Variants in RGS5 observed in about 807,000 individuals in gnomAD.
RGS5 encodes the protein regulator of G protein signaling 5, also known as regulator of G-protein signalling 5.
Under a neutral mutation model 18.9 loss-of-function variants are expected in RGS5, and 20 were observed. The observed-to-expected ratio is 1.06, with a 90% CI of 0.74 to 1.54. The LOEUF is 1.54. Ranked by LOEUF, RGS5 falls within the 40% of genes most tolerant of loss-of-function variation. The pLI, the probability that RGS5 is intolerant of heterozygous loss-of-function variation, is 0.00. For missense variants in RGS5, 201 were observed against 211.8 expected (o/e 0.95, Z 0.32); for synonymous variants, 57 against 76.2 (o/e 0.75, Z 1.31).
intron 1 of RGS5, among the ~76,000 whole-genome samples, chr1:163,182,282 C>T (rs1424721852): frequency 2.0e-5 from 3 of 152,202 alleles, no homozygotes; most frequent in Non-Finnish European, 4.4e-5. Context: ...AGAAGATACA[C>T]TGCTGGCCTC....
At chr1:163,172,647 T>C in intron 1 of RGS5, 1 of 1,544,054 alleles carries the variant, frequency 6.5e-7, no homozygotes. Flanking sequence ...CTTCTTTCTA[T>C]GGCTTCAGTT....
At chr1:163,260,682 A>C (rs898497171) in intron 2 of RGS5, 2 of 149,618 alleles carry the variant, frequency 1.3e-5, no homozygotes, top group Non-Finnish European at 3.0e-5. Context: ...AAAAAAAAAA[A>C]CAATATTAGT....
intron 2 of RGS5, among the ~76,000 whole-genome samples, chr1:163,234,199 T>G (rs530898427): frequency 6.6e-6 from 1 of 152,356 alleles, no homozygotes; most frequent in Admixed American, 6.5e-5. Flanking sequence ...TGTAGAATTT[T>G]TATAGATGTT....
chr1:163,316,944 A>T (rs1480092860), intron 1 of RGS5, among the ~76,000 whole-genome samples: 2 of 152,182 alleles, frequency 1.3e-5, no homozygotes, highest in Non-Finnish European at 2.9e-5. Flanking sequence ...TAGGTGTTGG[A>T]GCATCAAAGG....
intron 1 of RGS5, among the ~76,000 whole-genome samples, chr1:163,196,915 T>C (rs1159001685): frequency 6.6e-6 from 1 of 152,156 alleles, no homozygotes; most frequent in Non-Finnish European, 1.5e-5. Context: ...GAAGTGCTCT[T>C]GTCTCTATTT....
At chr1:163,253,282 G>A (rs765428477) in intron 2 of RGS5, among the ~76,000 whole-genome samples, 2 of 152,016 alleles carry the variant, frequency 1.3e-5, no homozygotes, top group African/African-American at 2.4e-5. Context: ...GAAAATCAGT[G>A]ATCATGATCA....
At chr1:163,320,656 T>C (rs929567209) in intron 1 of RGS5, among the ~76,000 whole-genome samples, 2 of 152,226 alleles carry the variant, frequency 1.3e-5, no homozygotes, top group Non-Finnish European at 2.9e-5. Flanking sequence ...CTGACTCTAA[T>C]ATTTTTTTAA....
At chr1:163,277,713 A>G (rs746538257) in intron 2 of RGS5, among the ~76,000 whole-genome samples, 10 of 152,184 alleles carry the variant, frequency 6.6e-5, no homozygotes, top group Non-Finnish European at 1.2e-4. Context: ...ACATGGTGCC[A>G]TCCCTCTTTG....
At position 163,282,798 on chromosome 1, in the gene RGS5, A is replaced by G. The variant is rs146331535; in HGVS notation, c.-281+23435T>C. On this transcript the variant is annotated intron_variant, in intron 2 of 5. Transcript: ENST00000618415. ...AGATGACTGGGTACATATCCAAAGGAAAGGAAATTAGTATATCAAAGAGAT... is the reference window on the plus strand; with the variant it reads ...AGATGACTGGGTACATATCCAAAGGGAAGGAAATTAGTATATCAAAGAGAT... 3.3e-4 allele frequency among the ~76,000 whole-genome samples: 50 copies of G among 152,268 alleles called. 1 individual carries two copies. The East Asian group carries it at 9.3e-3, about 28-fold the overall frequency.
At chr1:163,297,460 G>A (rs1057440235) in intron 2 of RGS5, among the ~76,000 whole-genome samples, 2 of 151,982 alleles carry the variant, frequency 1.3e-5, no homozygotes, top group Non-Finnish European at 2.9e-5. Flanking sequence ...CTTTCTCTTG[G>A]TCCCACCAGC....
chr1:163,280,597 G>A (rs969816099), intron 2 of RGS5, among the ~76,000 whole-genome samples: 1 of 151,486 alleles, frequency 6.6e-6, no homozygotes, highest in African/African-American at 2.4e-5. Context: ...GTGAAACACT[G>A]AGGAAATAAA....
At chr1:163,271,466 A>T (rs1648715472) in intron 2 of RGS5, among the ~76,000 whole-genome samples, 1 of 152,156 alleles carries the variant, frequency 6.6e-6, no homozygotes, top group South Asian at 2.1e-4. Context: ...GCAAACCAGT[A>T]AGAAGGCCCT....
At chr1:163,208,755 A>G (rs1660026105) in intron 1 of RGS5, among the ~76,000 whole-genome samples, 1 of 152,144 alleles carries the variant, frequency 6.6e-6, no homozygotes, top group Non-Finnish European at 1.5e-5. Context: ...AAAAGCCACA[A>G]CTTAAAATGG....
At chr1:163,262,949 G>A (rs1648483666) in intron 2 of RGS5, among the ~76,000 whole-genome samples, 1 of 152,082 alleles carries the variant, frequency 6.6e-6, no homozygotes, top group Non-Finnish European at 1.5e-5. Context: ...TCTCTACTGG[G>A]CATGGAGGTG....
chr1:163,306,646 T>C (rs1380092284), intron 1 of RGS5, among the ~76,000 whole-genome samples: 2 of 152,190 alleles, frequency 1.3e-5, no homozygotes, highest in Non-Finnish European at 2.9e-5. Context: ...ATAGGGTCTT[T>C]GTAAAGGAAA....
chr1:163,293,996 T>C (rs1412185565), intron 2 of RGS5, among the ~76,000 whole-genome samples: 2 of 152,224 alleles, frequency 1.3e-5, no homozygotes, highest in African/African-American at 4.8e-5. Context: ...GCTCTGCCTC[T>C]GTGGCTCTGC....
At chr1:163,248,805 T>C (rs1441578010) in intron 2 of RGS5, 2 of 152,216 alleles carry the variant, frequency 1.3e-5, no homozygotes, top group Non-Finnish European at 2.9e-5. Flanking sequence ...AGATTGTGAT[T>C]GGAGTTGACC....
At chr1:163,294,312 C>T (rs1649367938) in intron 2 of RGS5, among the ~76,000 whole-genome samples, 1 of 152,256 alleles carries the variant, frequency 6.6e-6, no homozygotes, top group African/African-American at 2.4e-5. Context: ...TCCCAAAGCT[C>T]AGCTCTTGTC....
intron 1 of RGS5, among the ~76,000 whole-genome samples, chr1:163,306,997 G>C (rs1649718438): frequency 6.6e-6 from 1 of 152,102 alleles, no homozygotes; most frequent in African/African-American, 2.4e-5. Flanking sequence ...GGCAGCCCTA[G>C]CAAACTGATG....
Sources: gnomAD v4.1 joint callset for allele counts (sites outside exome capture counted in the v4.1 genomes callset) on GRCh38, gnomAD v4.1.1 for gene constraint, MANE v1.5 for transcripts, NCBI Gene and HGNC (gene_info 2026-07-23, HGNC 2026-07-21) for gene names.